The following MBNL2 variants were observed in gnomAD, a reference collection of about 807,000 sequenced individuals.
MBNL2 encodes muscleblind-like protein 2.
A neutral mutation model predicts 41.9 loss-of-function variants in MBNL2; 17 were observed. The ratio of observed to expected loss-of-function variants is 0.41; its 90% CI spans 0.28 to 0.61. The LOEUF (loss-of-function observed/expected upper bound fraction) is 0.61. Ranked by LOEUF, MBNL2 falls within the 20% of genes least tolerant of loss-of-function variation. The pLI, the probability that MBNL2 is intolerant of heterozygous loss-of-function variation, is 0.35. For missense variants in MBNL2, 336 were observed against 505.6 expected (o/e 0.66, Z 3.22); for synonymous variants, 195 against 182.9 (o/e 1.07, Z -0.53).
chr13:97,258,357 G>A lies in MBNL2; in HGVS notation c.-604-17275G>A, dbSNP rs545339378. On this transcript the variant is annotated intron_variant, in intron 1 of 8. Transcript: ENST00000679496. ...TTTCTGTAGGCTACTTCATACTTGT[G>A]GTTTGAGTCATTGCTCATCGATGGC... Among the ~76,000 whole-genome samples the A allele has an allele frequency of 2.0e-5, 3 of 152,212 alleles. No homozygotes were observed. The East Asian group carries it at 5.8e-4, about 29-fold the overall frequency.
rs1190793582 is a variant in MBNL2 at position 97,299,588 on chromosome 13, T to C, written c.174+23179T>C. Among the ~76,000 whole-genome samples the C allele has an allele frequency of 2.0e-5, 3 of 152,190 alleles. No homozygotes were observed. The East Asian group carries it at 5.8e-4, about 29-fold the overall frequency. ...TCAGTATCATTAACACTTGGTTACATGAACTATGATTCATTGATACTGTGA... is the reference window on the plus strand; with the variant it reads ...TCAGTATCATTAACACTTGGTTACACGAACTATGATTCATTGATACTGTGA... On this transcript the variant is annotated intron_variant, in intron 2 of 8. Coordinates refer to ENST00000679496, the MANE Select transcript of MBNL2 (RefSeq NM_001382683.1).
chr13:97,200,293 G>A, the MBNL2 span, among the ~76,000 whole-genome samples: 13 of 152,300 alleles, frequency 8.5e-5, no homozygotes, highest in Non-Finnish European at 1.2e-4. Context: ...TGAGCTGGTC[G>A]ATTAGCCTCA....
At chr13:97,297,789 G>T (rs1334279582) in intron 2 of MBNL2, among the ~76,000 whole-genome samples, 1 of 152,178 alleles carries the variant, frequency 6.6e-6, no homozygotes, top group Non-Finnish European at 1.5e-5. Context: ...GTTTCAAGAG[G>T]TCTGAATGCA....
At chr13:97,210,365 C>T in the MBNL2 span, among the ~76,000 whole-genome samples, 134 of 152,112 alleles carry the variant, frequency 8.8e-4, no homozygotes, top group Non-Finnish European at 1.6e-3. Flanking sequence ...TAGAACATGA[C>T]GGTTAGTGTG....
At chr13:97,251,706 G>C (rs1285721659) in intron 1 of MBNL2, among the ~76,000 whole-genome samples, 1 of 152,032 alleles carries the variant, frequency 6.6e-6, no homozygotes, top group Non-Finnish European at 1.5e-5. Context: ...GAATCGATTG[G>C]TGAATAGAGC....
intron 5 of MBNL2, among the ~76,000 whole-genome samples, chr13:97,352,223 T>G (rs1398420955): frequency 2.0e-5 from 3 of 152,130 alleles, no homozygotes; most frequent in Non-Finnish European, 4.4e-5. Flanking sequence ...CTTCAAGAAC[T>G]TTCCCTTTGC....
the MBNL2 span, among the ~76,000 whole-genome samples, chr13:97,213,912 T>C: frequency 6.6e-6 from 1 of 150,654 alleles, no homozygotes; most frequent in Non-Finnish European, 1.5e-5. Flanking sequence ...ACATGCTATA[T>C]GCTTCATCTA....
At chr13:97,248,807 T>C (rs1338429968) in intron 1 of MBNL2, among the ~76,000 whole-genome samples, 2 of 152,218 alleles carry the variant, frequency 1.3e-5, no homozygotes, top group Admixed American at 6.5e-5. Flanking sequence ...GGTGCCTTAA[T>C]GGTTAATTTT....
intron 8 of MBNL2, among the ~76,000 whole-genome samples, chr13:97,385,407 C>T (rs1176493438): frequency 6.6e-6 from 1 of 152,190 alleles, no homozygotes; most frequent in African/African-American, 2.4e-5. Context: ...CATCCAAACT[C>T]AACATTACAA....
the MBNL2 span, among the ~76,000 whole-genome samples, chr13:97,157,350 A>T: frequency 3.4e-5 from 5 of 148,086 alleles, no homozygotes; most frequent in East Asian, 4.0e-4. Flanking sequence ...ACAGGGACAA[A>T]TTGACTTCCT....
intron 1 of MBNL2, among the ~76,000 whole-genome samples, chr13:97,270,279 T>G (rs921048619): frequency 1.3e-5 from 2 of 152,224 alleles, no homozygotes; most frequent in East Asian, 1.9e-4. Flanking sequence ...ATTTTAATAT[T>G]TAACCCAATA....
chr13:97,148,926 T>C, the MBNL2 span, among the ~76,000 whole-genome samples: 1 of 152,222 alleles, frequency 6.6e-6, no homozygotes, highest in Non-Finnish European at 1.5e-5. Flanking sequence ...TACACATGCA[T>C]ACACACAAGA....
chr13:97,295,671 T>A (rs1275790236), intron 2 of MBNL2, among the ~76,000 whole-genome samples: 1 of 152,140 alleles, frequency 6.6e-6, no homozygotes, highest in Non-Finnish European at 1.5e-5. Flanking sequence ...TAGAAATAGA[T>A]GTTTGATCCA....
chr13:97,236,651 T>C (rs2043332843), intron 1 of MBNL2, among the ~76,000 whole-genome samples: 1 of 152,196 alleles, frequency 6.6e-6, no homozygotes, highest in African/African-American at 2.4e-5. Context: ...TTTTTATTCA[T>C]TTCTCTCTTC....
chr13:97,165,691 G>A, the MBNL2 span, among the ~76,000 whole-genome samples: 3 of 152,130 alleles, frequency 2.0e-5, no homozygotes, highest in Non-Finnish European at 2.9e-5. Flanking sequence ...GAGTCTTAGC[G>A]ACTCCCTAAC....
chr13:97,319,508 T>C (rs1280013566), intron 2 of MBNL2, among the ~76,000 whole-genome samples: 1 of 152,138 alleles, frequency 6.6e-6, no homozygotes, highest in Non-Finnish European at 1.5e-5. Context: ...TGTCCCTCTG[T>C]ATGTCAAAGT....
At chr13:97,145,994 C>CTTTTA in the MBNL2 span, among the ~76,000 whole-genome samples, 2 of 140,962 alleles carry the variant, frequency 1.4e-5, no homozygotes, top group Admixed American at 1.4e-4. Context: ...CTTTTCTTTT[C>CTTTTA]TTTTCTTTGA....
chr13:97,247,521 T>C (rs1285091756), intron 1 of MBNL2, among the ~76,000 whole-genome samples: 1 of 152,216 alleles, frequency 6.6e-6, no homozygotes, highest in African/African-American at 2.4e-5. Context: ...GTTGGCTTCA[T>C]TTCTCTCATA....
intron 2 of MBNL2, among the ~76,000 whole-genome samples, chr13:97,287,731 T>C (rs1180306233): frequency 2.0e-5 from 3 of 146,526 alleles, no homozygotes; most frequent in Admixed American, 1.3e-4. Flanking sequence ...CTTTTTTTTT[T>C]TTTTTTTTTT....
Sources: allele counts gnomAD v4.1 joint callset (sites outside exome capture counted in the v4.1 genomes callset), GRCh38; gene constraint gnomAD v4.1.1; transcripts MANE v1.5; gene names NCBI Gene and HGNC (gene_info 2026-07-23, HGNC 2026-07-21).